FRMD4A: variants seen among roughly 807,000 people sequenced by gnomAD.
FRMD4A encodes the protein FERM domain containing 4A.
In FRMD4A, 29 loss-of-function variants were observed where a neutral mutation model predicts 129.1. That is an observed-to-expected ratio of 0.22 (90% CI 0.17 to 0.31). The LOEUF is 0.31. Among genes scored for constraint, FRMD4A ranks in the 10% least tolerant of loss-of-function variants. The pLI is 1.00. For synonymous variants in FRMD4A, 634 were observed against 571.6 expected, an observed-to-expected ratio of 1.11 and a Z score of -1.56; for missense variants, 1,272 against 1,375.8, an observed-to-expected ratio of 0.92 and a Z score of 1.19.
chr10:13,660,469 G>T lies in FRMD4A; in HGVS notation c.1745C>A (p.Pro582His). 6.2e-7 allele frequency: 1 copy of T among 1,614,102 alleles called. No individual in the cohort carries two copies. The highest frequency in any genetic ancestry group is 1.1e-5 in the South Asian group (1 of 91,078). Residue 582 changes from proline to histidine, a missense_variant, in exon 20 of 25, where the codon CCT (proline) becomes CAT (histidine). Around this residue, in one of 2 missense-constraint regions of FRMD4A, gnomAD observed 972 missense variants for 892.3 expected, o/e 1.09. Coordinates refer to ENST00000357447, the MANE Select transcript of FRMD4A (RefSeq NM_018027.5). ...TCCCTCCAGGGACTGGGGAGGAGGA[G>T]GCCTGTTGTGCGACGGTGGCCGAGG... ...LPPRPPSHNR[P>H]PPPQSLEGLR...
chr10:14,003,761 G>C (rs1292593858), intron 2 of FRMD4A, among the ~76,000 whole-genome samples: 1 of 152,172 alleles, frequency 6.6e-6, no homozygotes, highest in Non-Finnish European at 1.5e-5. Flanking sequence ...CCACATAAAA[G>C]GTTCACTCAC....
intron 2 of FRMD4A, among the ~76,000 whole-genome samples, chr10:13,864,147 C>G (rs1347535167): frequency 1.3e-5 from 2 of 151,728 alleles, no homozygotes; most frequent in African/African-American, 4.8e-5. Context: ...AGGTGCCTGC[C>G]AACACGCTCC....
chr10:13,880,890 C>T (rs1041374110), intron 2 of FRMD4A, among the ~76,000 whole-genome samples: 1 of 152,066 alleles, frequency 6.6e-6, no homozygotes, highest in Admixed American at 6.6e-5. Flanking sequence ...CTGTCACTTA[C>T]TTATGGATCA....
chr10:13,978,711 C>G (rs1202258723), intron 2 of FRMD4A, among the ~76,000 whole-genome samples: 1 of 152,006 alleles, frequency 6.6e-6, no homozygotes, highest in African/African-American at 2.4e-5. Context: ...CCTGAGAACC[C>G]AAAAAACTCA....
chr10:14,129,993 G>A (rs557512408), intron 2 of FRMD4A, among the ~76,000 whole-genome samples: 2 of 152,192 alleles, frequency 1.3e-5, no homozygotes, highest in South Asian at 4.2e-4. Flanking sequence ...TTCCAGGCTT[G>A]TTCTCACTCC....
chr10:14,127,936 T>A (rs1220268202), intron 2 of FRMD4A, among the ~76,000 whole-genome samples: 1 of 9,454 alleles, frequency 1.1e-4, no homozygotes, highest in Non-Finnish European at 1.9e-4. Context: ...CTTTCTTTCT[T>A]TCTTTCTTTC....
At chr10:13,669,489 T>A (rs1180080402) in intron 17 of FRMD4A, among the ~76,000 whole-genome samples, 1 of 152,240 alleles carries the variant, frequency 6.6e-6, no homozygotes, top group Non-Finnish European at 1.5e-5. Context: ...TGGGTCCCTC[T>A]CTGAATTCAC....
intron 2 of FRMD4A, among the ~76,000 whole-genome samples, chr10:13,952,019 A>G (rs1297699666): frequency 6.6e-6 from 1 of 150,750 alleles, no homozygotes; most frequent in Non-Finnish European, 1.5e-5. Flanking sequence ...GAAGTTCTTT[A>G]AGATATTCAT....
chr10:14,016,480 C>T (rs2095699506), intron 2 of FRMD4A, among the ~76,000 whole-genome samples: 1 of 152,254 alleles, frequency 6.6e-6, no homozygotes, highest in Non-Finnish European at 1.5e-5. Context: ...GTCTAGCCAT[C>T]TGCCTCTTCC....
intron 2 of FRMD4A, among the ~76,000 whole-genome samples, chr10:13,891,255 C>T (rs1374289125): frequency 2.6e-5 from 4 of 152,026 alleles, no homozygotes; most frequent in Non-Finnish European, 4.4e-5. Flanking sequence ...AACGCCCTGT[C>T]CTGCACCCAA....
chr10:13,868,135 G>T (rs1002542100), intron 2 of FRMD4A, among the ~76,000 whole-genome samples: 1 of 150,952 alleles, frequency 6.6e-6, no homozygotes, highest in Non-Finnish European at 1.5e-5. Context: ...TTATACCAGG[G>T]AAATAACACT....
At chr10:13,679,585 G>A (rs192038487) in intron 15 of FRMD4A, among the ~76,000 whole-genome samples, 2 of 150,198 alleles carry the variant, frequency 1.3e-5, no homozygotes, top group African/African-American at 4.9e-5. Context: ...TTGGAGGTGG[G>A]GTCAAGGAGG....
intron 2 of FRMD4A, among the ~76,000 whole-genome samples, chr10:14,129,381 TATATATATATATATATATATATATATAA>T (rs1203817530): frequency 1.6e-5 from 2 of 123,464 alleles, no homozygotes; most frequent in Non-Finnish European, 3.3e-5. Flanking sequence ...CATATATATA[TATATATATATATATATATATATATATAA>T]AAAATATGAG....
intron 2 of FRMD4A, chr10:14,087,713 C>A (rs1348220658): frequency 1.3e-5 from 2 of 152,064 alleles, no homozygotes; most frequent in Non-Finnish European, 2.9e-5. Flanking sequence ...GAAACAGGAA[C>A]GAAATGTGAA....
chr10:14,095,127 T>A (rs547099288), intron 2 of FRMD4A, among the ~76,000 whole-genome samples: 1 of 152,282 alleles, frequency 6.6e-6, no homozygotes, highest in South Asian at 2.1e-4. Context: ...GCTGTGATAG[T>A]TAAGGGGAAA....
intron 2 of FRMD4A, among the ~76,000 whole-genome samples, chr10:14,031,046 C>T (rs1833216863): frequency 6.6e-6 from 1 of 152,146 alleles, no homozygotes; most frequent in Admixed American, 6.5e-5. Context: ...CATAATAACT[C>T]ATCTTTTCTC....
At chr10:13,929,412 C>T (rs1466620442) in intron 2 of FRMD4A, among the ~76,000 whole-genome samples, 4 of 152,160 alleles carry the variant, frequency 2.6e-5, no homozygotes, top group Non-Finnish European at 5.9e-5. Context: ...GCCTACTACG[C>T]CCTGGGTCAC....
chr10:14,013,316 A>G (rs1432037721), intron 2 of FRMD4A, among the ~76,000 whole-genome samples: 1 of 152,060 alleles, frequency 6.6e-6, no homozygotes, highest in African/African-American at 2.4e-5. Context: ...CAGGCAATAG[A>G]TGGCAACTAT....
chr10:14,056,815 G>A (rs1834555949), intron 2 of FRMD4A, among the ~76,000 whole-genome samples: 1 of 152,200 alleles, frequency 6.6e-6, no homozygotes, highest in South Asian at 2.1e-4. Context: ...TCTAGGGAGA[G>A]AAACGAGCTT....
Sources: allele counts gnomAD v4.1 joint callset (sites outside exome capture counted in the v4.1 genomes callset), GRCh38; gene constraint gnomAD v4.1.1; regional missense constraint gnomAD v4.1.1; transcripts MANE v1.5; gene names NCBI Gene and HGNC (gene_info 2026-07-23, HGNC 2026-07-21).